Variants in PDE1A observed in about 807,000 individuals in gnomAD.
The protein encoded by PDE1A is phosphodiesterase 1A.
PDE1A carries 35 observed loss-of-function variants against 61.7 expected under a neutral mutation model. The observed-to-expected ratio is 0.57, with a 90% CI of 0.43 to 0.75. The LOEUF is 0.75. Ranked by LOEUF, PDE1A falls within the 30% of genes least tolerant of loss-of-function variation. The pLI is 0.00. For missense variants in PDE1A, 597 were observed against 630.6 expected, an observed-to-expected ratio of 0.95 and a Z score of 0.57; for synonymous variants, 232 against 213.2, an observed-to-expected ratio of 1.09 and a Z score of -0.77.
At chr2:182,400,320 A>G (rs1460924684) in intron 1 of PDE1A, among the ~76,000 whole-genome samples, 1 of 152,194 alleles carries the variant, frequency 6.6e-6, no homozygotes, top group South Asian at 2.1e-4. Flanking sequence ...CCTTTCTGAC[A>G]TGGTGGCAAG....
At chr2:182,288,977 G>A (rs916555932) in intron 1 of PDE1A, among the ~76,000 whole-genome samples, 4 of 151,928 alleles carry the variant, frequency 2.6e-5, no homozygotes, top group African/African-American at 7.2e-5. Context: ...GGAGCAGTCA[G>A]GACTAGGACT....
At chr2:182,144,674 T>C (rs954931331), downstream of PDE1A, among the ~76,000 whole-genome samples, 2 of 152,212 alleles carry the variant, frequency 1.3e-5, no homozygotes, top group African/African-American at 4.8e-5. Flanking sequence ...CTACACTTTC[T>C]GTGATGGCAG....
chr2:182,223,329 T>C lies in PDE1A; in HGVS notation c.776+535A>G, dbSNP rs181652194. On this transcript the variant is annotated intron_variant, in intron 7 of 13. Transcript: ENST00000351439. ...CCACCCATTCTGTGGTATTTTGTTA[T>C]GGCAGCCCTAACAGACTAACATACT... is the stretch of plus-strand genomic sequence containing the variant. 2.6e-3 allele frequency among the ~76,000 whole-genome samples: 391 copies of C among 152,172 alleles called. 1 individual carries two copies. Among genetic ancestry groups the C allele is most frequent in the African/African-American group, 9.1e-3 (379 of 41,548 alleles).
chr2:182,564,872 C>T, the PDE1A span, among the ~76,000 whole-genome samples: 1 of 151,980 alleles, frequency 6.6e-6, no homozygotes, highest in Non-Finnish European at 1.5e-5. Context: ...GCATTCTTCA[C>T]GTAGTTCTCG....
the PDE1A span, among the ~76,000 whole-genome samples, chr2:182,709,552 T>C: frequency 2.0e-5 from 3 of 152,146 alleles, no homozygotes; most frequent in Non-Finnish European, 4.4e-5. Flanking sequence ...ATAAATGCAA[T>C]AGTAAAGGAT....
intron 13 of PDE1A, among the ~76,000 whole-genome samples, chr2:182,154,781 C>T (rs72895042): frequency 0.022 from 3,420 of 152,186 alleles, 61 homozygotes; most frequent in Middle Eastern, 0.044. Flanking sequence ...TGAGAACAGA[C>T]TACTACAGAA....
intron 1 of PDE1A, among the ~76,000 whole-genome samples, chr2:182,299,146 A>G (rs1306607178): frequency 6.6e-6 from 1 of 151,988 alleles, no homozygotes; most frequent in Non-Finnish European, 1.5e-5. Flanking sequence ...ACATATTTTA[A>G]GGTGTGTTGG....
the PDE1A span, among the ~76,000 whole-genome samples, chr2:182,683,620 T>A: frequency 1.3e-5 from 2 of 152,120 alleles, no homozygotes; most frequent in Non-Finnish European, 2.9e-5. Flanking sequence ...GATTTACAAA[T>A]TTGACTATAT....
At chr2:182,406,370 C>T (rs1227796581) in intron 1 of PDE1A, among the ~76,000 whole-genome samples, 1 of 81,812 alleles carries the variant, frequency 1.2e-5, no homozygotes, top group African/African-American at 3.8e-5. Context: ...TTTTGGCTCA[C>T]AGTAAAAAAA....
At chr2:182,172,709 T>C (rs145753935) in intron 13 of PDE1A, among the ~76,000 whole-genome samples, 2,407 of 152,172 alleles carry the variant, frequency 0.016, 27 homozygotes, top group Non-Finnish European at 0.026. Flanking sequence ...TAAAACTAAA[T>C]GATAGGCTTC....
intron 2 of PDE1A, among the ~76,000 whole-genome samples, chr2:182,516,543 C>G (rs1690160480): frequency 6.6e-6 from 1 of 151,580 alleles, no homozygotes. Context: ...GTTCTTGCTA[C>G]CTGGGAGGCT....
intron 2 of PDE1A, among the ~76,000 whole-genome samples, chr2:182,464,246 T>C (rs141227804): frequency 9.3e-4 from 141 of 152,244 alleles, no homozygotes; most frequent in African/African-American, 3.2e-3. Flanking sequence ...TGTTAAAGCA[T>C]GGTAAGAAAG....
At chr2:182,429,921 G>A (rs1464801847), upstream of PDE1A, among the ~76,000 whole-genome samples, 1 of 152,134 alleles carries the variant, frequency 6.6e-6, no homozygotes, top group Admixed American at 6.6e-5. Flanking sequence ...GTTTAAGCAC[G>A]TAAGTCTAGT....
Position 182,228,884 on chromosome 2 carries a change from C to T in PDE1A, c.675+1122G>A, listed in dbSNP as rs759992196. On this transcript the variant is annotated intron_variant, in intron 6 of 13. Transcript: ENST00000351439. ...AAGGATGAATAAAATCAGAAAGTTA[C>T]ATTTATATTTGGTAAGTCATAGCTG... Among the ~76,000 whole-genome samples, 6 of 152,114 alleles carry T rather than the reference C, an allele frequency of 3.9e-5. 1 individual carries two copies. Among genetic ancestry groups the T allele is most frequent in the Non-Finnish European group, 2.9e-5 (2 of 68,010 alleles).
upstream of PDE1A, among the ~76,000 whole-genome samples, chr2:182,527,495 C>CTGCA (rs1690796902): frequency 2.0e-5 from 3 of 149,446 alleles, no homozygotes; most frequent in South Asian, 6.4e-4. Flanking sequence ...GAAGTTGAGG[C>CTGCA]TGCAGTGAGC....
the PDE1A span, among the ~76,000 whole-genome samples, chr2:182,543,057 G>T: frequency 6.6e-6 from 1 of 152,130 alleles, no homozygotes; most frequent in African/African-American, 2.4e-5. Context: ...CAAGGCAGCT[G>T]CTCTATTTCC....
intron 1 of PDE1A, among the ~76,000 whole-genome samples, chr2:182,417,419 A>C (rs1349493794): frequency 6.6e-6 from 1 of 152,218 alleles, no homozygotes; most frequent in Non-Finnish European, 1.5e-5. Flanking sequence ...TTGATATAGT[A>C]GGTCTGAAAT....
At chr2:182,575,634 A>G in the PDE1A span, among the ~76,000 whole-genome samples, 1 of 150,470 alleles carries the variant, frequency 6.6e-6, no homozygotes, top group African/African-American at 2.4e-5. Context: ...AAACAATACC[A>G]GGGTCTGCCA....
At position 182,394,344 on chromosome 2, in the gene PDE1A, C is replaced by A. The variant is rs1202701607; in HGVS notation, c.53+32234G>T. Among the ~76,000 whole-genome samples, 3 of 152,118 alleles carry A rather than the reference C, an allele frequency of 2.0e-5. No individual in the cohort carries two copies. In the East Asian group the frequency reaches 5.8e-4, roughly 29 times the overall value. ...GCAGGGGAACTACCCTTTATAAAAT[C>A]ATCAGATTTCATTAGACTTATTCAC... On this transcript the variant is annotated intron_variant, in intron 1 of 13. Transcript: ENST00000351439.
Sources: gnomAD v4.1 joint callset for allele counts (sites outside exome capture counted in the v4.1 genomes callset) on GRCh38, gnomAD v4.1.1 for gene constraint, MANE v1.5 for transcripts, NCBI Gene and HGNC (gene_info 2026-07-23, HGNC 2026-07-21) for gene names.